The following CSTF3 variants were observed in gnomAD, a reference collection of about 807,000 sequenced individuals.
CSTF3 encodes cleavage stimulation factor subunit 3, also known as CF-1 77 kDa subunit.
CSTF3 carries 29 observed loss-of-function variants against 105.8 expected under a neutral mutation model. That is an observed-to-expected ratio of 0.27 (90% CI 0.20 to 0.37). The LOEUF is 0.37. Among genes scored for constraint, CSTF3 ranks in the 10% least tolerant of loss-of-function variants. The probability of loss-of-function intolerance (pLI) is 1.00; values close to 1 mark genes in which losing one functional copy is unlikely to be tolerated. For missense variants in CSTF3, 357 were observed against 879.3 expected (o/e 0.41, Z 7.51); for synonymous variants, 252 against 281.9 (o/e 0.89, Z 1.06).
At chr11:33,142,219 A>G (rs190328705) in intron 1 of CSTF3, among the ~76,000 whole-genome samples, 3,074 of 150,136 alleles carry the variant, frequency 0.02, 41 homozygotes, top group Non-Finnish European at 0.03. Context: ...ACTCAGAGAG[A>G]AAAAAAAAAG....
rs370295642 is a variant in CSTF3, at chr11:33,141,725, C to T, written c.167G>A (p.Arg56His). The change falls in exon 3 of 21, where the codon CGC (arginine) becomes CAC (histidine). Residue 56 changes from arginine to histidine, a missense_variant. Physicochemically the swap from Arg to His is conservative, Grantham distance 29. Transcript: ENST00000323959. ...AGAACTGGGGAACTGGGCAACAAGG[C>T]GTTCATAAGTCTTCCGTGCTTTGTC... is the stretch of plus-strand genomic sequence containing the variant. ...PIDKARKTYE[R>H]LVAQFPSSGR... 1 of 1,609,790 alleles carries T rather than the reference C, an allele frequency of 6.2e-7. No individual in the cohort carries two copies. The highest frequency in any genetic ancestry group is 8.5e-7 in the Non-Finnish European group (1 of 1,178,856).
At chr11:33,136,769 C>T (rs1399433848) in intron 3 of CSTF3, among the ~76,000 whole-genome samples, 2 of 151,882 alleles carry the variant, frequency 1.3e-5, no homozygotes, top group East Asian at 1.9e-4. Context: ...ATGGATGCTA[C>T]GTTGCAGCGT....
rs768222347 is a variant in CSTF3, at chr11:33,084,937, G to GT, written c.*149dup. 7.1e-6 allele frequency: 6 copies of GT among 845,552 alleles called. No homozygotes were observed. The highest frequency in any genetic ancestry group is 1.7e-5 in the African/African-American group (1 of 58,986). 52.4% of individuals were successfully genotyped at this position (845,552 alleles called of 1,614,324 possible). On this transcript the variant is annotated 3_prime_UTR_variant, in exon 21 of 21. Transcript: ENST00000323959. ...TTCTAAAATTCACACAGGTTGGTTT[G>GT]TTTTTTCTCAAGAACCATGTGATAG...
In CSTF3 at chr11:33,099,182, T is replaced by C; in HGVS notation, c.937-32A>G. On this transcript the variant is annotated intron_variant, in intron 11 of 20. Coordinates refer to ENST00000323959, the MANE Select transcript of CSTF3 (RefSeq NM_001326.3). The surrounding 1 kb of genome is among the most constrained non-coding windows in gnomAD (Gnocchi z 4.1). ...GAAAAAAAAGAAAGCTCATCTTCAA[T>C]AATTTTAATATAGTTGTGAGAGAAT... The C allele has an allele frequency of 1.9e-6, 3 of 1,563,888 alleles. No homozygotes were observed. Among genetic ancestry groups the C allele is most frequent in the Non-Finnish European group, 2.6e-6 (3 of 1,164,238 alleles).
intron 1 of CSTF3, among the ~76,000 whole-genome samples, chr11:33,150,317 G>T (rs1169848579): frequency 1.3e-5 from 2 of 151,554 alleles, no homozygotes; most frequent in Non-Finnish European, 2.9e-5. Flanking sequence ...AAGAACAGCT[G>T]TCCCATGCTT....
chr11:33,130,284 C>A (rs1855585302), intron 3 of CSTF3, among the ~76,000 whole-genome samples: 1 of 151,830 alleles, frequency 6.6e-6, no homozygotes, highest in African/African-American at 2.4e-5. Context: ...ACCAGCCTGG[C>A]CAACGTGGTG....
chr11:33,126,681 A>G (rs1368218936), intron 3 of CSTF3, among the ~76,000 whole-genome samples: 1 of 152,208 alleles, frequency 6.6e-6, no homozygotes, highest in African/African-American at 2.4e-5. Flanking sequence ...ATAAACTGAA[A>G]TAACTCATTT....
intron 1 of CSTF3, among the ~76,000 whole-genome samples, chr11:33,151,282 C>T (rs1352136500): frequency 6.6e-6 from 1 of 152,100 alleles, no homozygotes; most frequent in Non-Finnish European, 1.5e-5. Flanking sequence ...CCTCAACCTC[C>T]TGGGCTCAAT....
intron 3 of CSTF3, among the ~76,000 whole-genome samples, chr11:33,115,784 T>C (rs910574675): frequency 2.0e-5 from 3 of 152,340 alleles, no homozygotes; most frequent in Admixed American, 6.5e-5. Context: ...ATATTAAATA[T>C]AGATATAAAT....
chr11:33,143,350 T>C (rs1031337103), intron 1 of CSTF3, among the ~76,000 whole-genome samples: 1 of 152,166 alleles, frequency 6.6e-6, no homozygotes, highest in African/African-American at 2.4e-5. Flanking sequence ...ATGCCTAAAA[T>C]AGTAGCCAGC....
chr11:33,125,299 G>A (rs1377035029), intron 3 of CSTF3, among the ~76,000 whole-genome samples: 1 of 152,054 alleles, frequency 6.6e-6, no homozygotes, highest in African/African-American at 2.4e-5. Flanking sequence ...TGAAGTCTTT[G>A]GAGGTCTGTT....
At chr11:33,119,073 C>T (rs943134648) in intron 3 of CSTF3, among the ~76,000 whole-genome samples, 3 of 151,274 alleles carry the variant, frequency 2.0e-5, no homozygotes, top group Non-Finnish European at 3.0e-5. Context: ...TTTTAATGTG[C>T]AGAGGGGAAG....
At position 33,097,146 on chromosome 11, in the gene CSTF3, A is replaced by G. The variant is rs60351229; in HGVS notation, c.1129-168T>C. ...ATTAGAGATGCATGCAAATTAATTT[A>G]TTTTTTTATTGAGACATAATTCACA... On this transcript the variant is annotated intron_variant, in intron 13 of 20. Transcript: ENST00000323959. Among the ~76,000 whole-genome samples, 1,248 of 152,276 alleles carry G rather than the reference A, an allele frequency of 8.2e-3. 18 individuals are homozygous for G. Among genetic ancestry groups the G allele is most frequent in the African/African-American group, 0.028 (1,174 of 41,564 alleles).
At chr11:33,144,135 T>C (rs555048344) in intron 1 of CSTF3, among the ~76,000 whole-genome samples, 6 of 97,964 alleles carry the variant, frequency 6.1e-5, no homozygotes, top group African/African-American at 1.6e-4. Context: ...CTCCCCCTTT[T>C]TTTTAGTGGA....
Position 33,142,078 on chromosome 11 carries a change from T to C in CSTF3, c.28-92A>G, listed in dbSNP as rs1049533467. 25 of 1,566,226 alleles carry C rather than the reference T, an allele frequency of 1.6e-5. No homozygotes were observed. In the African/African-American group the frequency reaches 3.0e-4, roughly 19 times the overall value. On this transcript the variant is annotated intron_variant, in intron 1 of 20. Transcript: ENST00000323959. The stretch of plus-strand genomic sequence containing the variant: ...TGAACAATAAAGTCCTCAGATGCAA[T>C]GTCACATTACAAAGCATAAAAATAT...
chr11:33,109,241 C>G (rs1855355840), intron 3 of CSTF3, among the ~76,000 whole-genome samples: 1 of 152,152 alleles, frequency 6.6e-6, no homozygotes, highest in Non-Finnish European at 1.5e-5. Flanking sequence ...AGGTGCTCAA[C>G]TGTGTTAATC....
chr11:33,087,842 CCA>C (rs1321938655), intron 17 of CSTF3, among the ~76,000 whole-genome samples: 1 of 152,190 alleles, frequency 6.6e-6, no homozygotes, highest in African/African-American at 2.4e-5. Flanking sequence ...TCAAATCCAT[CCA>C]CAGTCTTCTT....
At chr11:33,149,695 C>T (rs1224795450) in intron 1 of CSTF3, among the ~76,000 whole-genome samples, 2 of 152,136 alleles carry the variant, frequency 1.3e-5, no homozygotes, top group South Asian at 2.1e-4. Flanking sequence ...ACCAGTCTGG[C>T]CAAAATGGTG....
chr11:33,139,896 CT>C (rs1855692075), intron 3 of CSTF3, among the ~76,000 whole-genome samples: 1 of 151,672 alleles, frequency 6.6e-6, no homozygotes, highest in East Asian at 1.9e-4. Context: ...CTTCCTGAAA[CT>C]TTTTTTTAGG....
Sources: gnomAD v4.1 joint callset for allele counts (sites outside exome capture counted in the v4.1 genomes callset) on GRCh38, gnomAD v4.1.1 for gene constraint, Gnocchi (gnomAD v3.1) non-coding constraint, MANE v1.5 for transcripts, NCBI Gene and HGNC (gene_info 2026-07-23, HGNC 2026-07-21) for gene names.